KMT2E: variants seen among roughly 807,000 people sequenced by gnomAD.
The protein encoded by KMT2E is histone reader KMT2E.
KMT2E carries 30 observed loss-of-function variants against 184.6 expected under a neutral mutation model. That is an observed-to-expected ratio of 0.16 (90% CI 0.12 to 0.22). The LOEUF (loss-of-function observed/expected upper bound fraction) is 0.22, where lower values mean the gene tolerates loss of function less well. Among genes scored for constraint, KMT2E ranks in the 10% least tolerant of loss-of-function variants. KMT2E has a pLI of 1.00. For missense variants in KMT2E, 2,023 were observed against 2,237.4 expected, an observed-to-expected ratio of 0.90 and a Z score of 1.93; for synonymous variants, 815 against 776.5, an observed-to-expected ratio of 1.05 and a Z score of -0.82.
At chr7:105,023,288 G>C (rs1795027460) in intron 1 of KMT2E, among the ~76,000 whole-genome samples, 2 of 151,206 alleles carry the variant, frequency 1.3e-5, no homozygotes, top group Non-Finnish European at 2.9e-5. Context: ...TGTAATCCCA[G>C]CTACTTGGGA....
At chr7:105,052,354 C>T (rs1796385456) in intron 3 of KMT2E, among the ~76,000 whole-genome samples, 1 of 152,136 alleles carries the variant, frequency 6.6e-6, no homozygotes, top group Non-Finnish European at 1.5e-5. Context: ...CTTCCATTAT[C>T]TAAAATAGTA....
At chr7:105,091,546 T>C (rs1301962087) in intron 15 of KMT2E, 5 of 573,712 alleles carry the variant, frequency 8.7e-6, no homozygotes, top group Non-Finnish European at 1.5e-5. Flanking sequence ...AATATGAACA[T>C]TTTGGAAGTA....
chr7:105,021,719 C>T (rs536400878), intron 1 of KMT2E, among the ~76,000 whole-genome samples: 3 of 152,050 alleles, frequency 2.0e-5, no homozygotes, highest in African/African-American at 4.8e-5. Flanking sequence ...GAGAAAGACA[C>T]GTTTAATTCT....
intron 3 of KMT2E, among the ~76,000 whole-genome samples, chr7:105,058,503 G>T (rs1796663427): frequency 6.6e-6 from 1 of 152,090 alleles, no homozygotes; most frequent in African/African-American, 2.4e-5. Context: ...TTTTTTAGCT[G>T]TTGGGGAATT....
intron 1 of KMT2E, among the ~76,000 whole-genome samples, chr7:105,035,939 G>A (rs974442687): frequency 1.3e-5 from 2 of 152,144 alleles, no homozygotes; most frequent in African/African-American, 4.8e-5. Flanking sequence ...TTAAATGTAA[G>A]TTTGTTAACT....
chr7:105,094,141 C>T (rs1227993706), intron 15 of KMT2E, among the ~76,000 whole-genome samples: 3 of 152,022 alleles, frequency 2.0e-5, no homozygotes, highest in Admixed American at 6.6e-5. Flanking sequence ...GTAGAGTTCC[C>T]CACCCCCAAG....
intron 3 of KMT2E, among the ~76,000 whole-genome samples, chr7:105,050,381 A>G (rs1202204184): frequency 6.6e-6 from 1 of 152,198 alleles, no homozygotes; most frequent in Non-Finnish European, 1.5e-5. Context: ...GGTGCTTTAA[A>G]TGTCTAAGAC....
At chr7:105,063,652 C>T (rs573822846) in intron 5 of KMT2E, 72 bp downstream of exon 5, 14 of 1,005,220 alleles carry the variant, frequency 1.4e-5, no homozygotes, top group Non-Finnish European at 2.0e-5. Context: ...GAAAAGATAA[C>T]TAAAGTCACT....
At chr7:105,040,061 T>A (rs1048403658) in intron 2 of KMT2E, among the ~76,000 whole-genome samples, 14 of 152,156 alleles carry the variant, frequency 9.2e-5, no homozygotes, top group African/African-American at 3.1e-4. Flanking sequence ...CTTTAATAAC[T>A]GAACAATATT....
intron 13 of KMT2E, among the ~76,000 whole-genome samples, chr7:105,085,874 G>C (rs925737828): frequency 6.6e-6 from 1 of 151,898 alleles, no homozygotes; most frequent in African/African-American, 2.4e-5. Flanking sequence ...GGGTTTCACC[G>C]TGTTAGCCAG....
intron 25 of KMT2E, 25 bp downstream of exon 25, chr7:105,110,627 G>C: frequency 6.2e-7 from 1 of 1,613,576 alleles, no homozygotes; most frequent in Non-Finnish European, 8.5e-7. Flanking sequence ...GACCGATAAT[G>C]TTATTCTTAA....
At chr7:105,064,883 T>TA (rs1191791900) in intron 5 of KMT2E, among the ~76,000 whole-genome samples, 1 of 152,170 alleles carries the variant, frequency 6.6e-6, no homozygotes, top group African/African-American at 2.4e-5. Context: ...TGTGATAAAT[T>TA]ACATACTTTG....
In KMT2E at chr7:105,113,202, G is replaced by C. The variant is rs773989108; in HGVS notation, c.5446G>C (p.Gly1816Arg). ...PTASGFCPHP[G>R]SVALPHGVQG... ...TGCTTCAGGGTTCTGTCCTCATCCT[G>C]GCTCTGTGGCCCTGCCACATGGGGT... Residue 1816 changes from glycine to arginine, a missense_variant, in exon 27 of 27, where the codon GGC (glycine) becomes CGC (arginine). Around this residue, in one of 8 missense-constraint regions of KMT2E, gnomAD observed 1,108 missense variants for 1,050.9 expected, o/e 1.05. Transcript: ENST00000311117. 1 of 1,614,066 alleles carries C rather than the reference G, an allele frequency of 6.2e-7. No individual in the cohort carries two copies. Among genetic ancestry groups the C allele is most frequent in the African/African-American group, 1.3e-5 (1 of 74,930 alleles).
Position 105,113,293 on chromosome 7 carries a change from C to CA in KMT2E, c.5539dup (p.Thr1847AsnfsTer22), listed in dbSNP as rs1799414263. 1 of 1,613,420 alleles carries CA rather than the reference C, an allele frequency of 6.2e-7. No individual in the cohort carries two copies. Among genetic ancestry groups the CA allele is most frequent in the Non-Finnish European group, 8.5e-7 (1 of 1,179,434 alleles). On this transcript the variant is annotated frameshift_variant, in exon 27 of 27. Transcript: ENST00000311117. LOFTEE classifies it high-confidence loss of function. ...CCAATTCACAGAGCACAGGTGCCACCAACATTTCAAAACAATTACCATGGG... is the reference window on the plus strand; with the variant it reads ...CCAATTCACAGAGCACAGGTGCCACCAAACATTTCAAAACAATTACCATGGG...
At chr7:105,062,350 T>G (rs1444868110) in intron 4 of KMT2E, 72 bp downstream of exon 4, 1 of 915,840 alleles carries the variant, frequency 1.1e-6, no homozygotes, top group Non-Finnish European at 1.7e-6. Context: ...TGTGATACTG[T>G]GCTTGAAACG....
intron 8 of KMT2E, among the ~76,000 whole-genome samples, chr7:105,075,346 C>G (rs569328752): frequency 7.9e-5 from 12 of 152,200 alleles, no homozygotes; most frequent in African/African-American, 2.9e-4. Context: ...GGAATTAAGT[C>G]TTAAATACAT....
intron 17 of KMT2E, chr7:105,103,613 C>T (rs1798752133): frequency 6.6e-6 from 1 of 152,074 alleles, no homozygotes; most frequent in African/African-American, 2.4e-5. Context: ...GGCAGTCTGG[C>T]TCCAGACTCC....
intron 3 of KMT2E, among the ~76,000 whole-genome samples, chr7:105,060,099 G>A (rs748518491): frequency 3.6e-5 from 5 of 139,780 alleles, no homozygotes; most frequent in Non-Finnish European, 7.6e-5. Context: ...GGGTTCAAGT[G>A]ATTCTCCTGC....
At position 105,063,404 on chromosome 7, in the gene KMT2E, A is replaced by G; in HGVS notation, c.240A>G (p.Pro80=). 1.2e-6 allele frequency: 2 copies of G among 1,613,652 alleles called. No homozygotes were observed. The highest frequency in any genetic ancestry group is 4.5e-5 in the East Asian group (2 of 44,868). The part of the protein sequence containing the change: ...PPPTPPASPP[P]SVLISKNEVG... ...CGACACCTCCGGCTTCCCCTCCTCCATCAGTCCTTATTAGCAAAAATGAAG... is the reference window on the plus strand; with the variant it reads ...CGACACCTCCGGCTTCCCCTCCTCCGTCAGTCCTTATTAGCAAAAATGAAG... Residue 80 remains proline (P), a synonymous_variant, in exon 5 of 27, where the codon CCA becomes CCG. Transcript: ENST00000311117.
Sources: gnomAD v4.1 joint callset for allele counts (sites outside exome capture counted in the v4.1 genomes callset) on GRCh38, gnomAD v4.1.1 for gene constraint, gnomAD v4.1.1 regional missense constraint, MANE v1.5 for transcripts, NCBI Gene and HGNC (gene_info 2026-07-23, HGNC 2026-07-21) for gene names.